MYO10: variants seen among roughly 807,000 people sequenced by gnomAD.
MYO10 encodes unconventional myosin-X.
A neutral mutation model predicts 257.3 loss-of-function variants in MYO10; 133 were observed. The ratio of observed to expected loss-of-function variants is 0.52; its 90% CI spans 0.45 to 0.60. The LOEUF (loss-of-function observed/expected upper bound fraction) is 0.60, where lower values mean the gene tolerates loss of function less well. Among genes scored for constraint, MYO10 ranks in the 20% least tolerant of loss-of-function variants. MYO10 has a pLI of 0.00. For synonymous variants in MYO10, 1,104 were observed against 1,028.6 expected, an observed-to-expected ratio of 1.07 and a Z score of -1.40; for missense variants, 2,399 against 2,635.7, an observed-to-expected ratio of 0.91 and a Z score of 1.97.
chr5:16,685,700 TA>T, intron 29 of MYO10, 37 bp downstream of exon 29: 1 of 577,192 alleles, frequency 1.7e-6, no homozygotes, highest in Non-Finnish European at 3.1e-6. Flanking sequence ...TCCCTGCCCC[TA>T]GACGCCCCAC....
chr5:16,860,029 GA>G (rs1481536901), intron 2 of MYO10, among the ~76,000 whole-genome samples: 1 of 152,230 alleles, frequency 6.6e-6, no homozygotes, highest in Non-Finnish European at 1.5e-5. Flanking sequence ...CAATGGAGGG[GA>G]AAGAAGATAT....
chr5:16,935,990 CAA>C lies in MYO10; in HGVS notation c.-184_-183del. The C allele has an allele frequency of 1.4e-6, 1 of 695,188 alleles. No homozygotes were observed. The highest frequency in any genetic ancestry group is 2.4e-6 in the Non-Finnish European group (1 of 408,340). The allele number at this position is 695,188 out of a possible 1,614,324, so 43.1% of individuals were successfully genotyped here. On this transcript the variant is annotated 5_prime_UTR_variant, in exon 1 of 41. Transcript: ENST00000513610. ...TTCTCACCTTTTGTTCGCCCAAACC[CAA>C]GTCCCTAACTCGCCCGTCCCGACGG...
intron 26 of MYO10, among the ~76,000 whole-genome samples, chr5:16,698,005 C>CT (rs539792827): frequency 2.4e-4 from 37 of 152,278 alleles, no homozygotes; most frequent in African/African-American, 8.2e-4. Flanking sequence ...TCTTATTATC[C>CT]CTGTCACTGA....
At chr5:16,907,300 T>TG (rs756794587) in intron 1 of MYO10, among the ~76,000 whole-genome samples, 1 of 152,098 alleles carries the variant, frequency 6.6e-6, no homozygotes, top group Non-Finnish European at 1.5e-5. Flanking sequence ...CACACGCTCT[T>TG]GTAATTATAC....
At chr5:16,823,676 G>C (rs1483947465) in intron 2 of MYO10, among the ~76,000 whole-genome samples, 1 of 150,626 alleles carries the variant, frequency 6.6e-6, no homozygotes, top group African/African-American at 2.4e-5. Flanking sequence ...GTTTCACCGT[G>C]TTAGCCAGGA....
chr5:16,851,092 C>G (rs1482098777), intron 2 of MYO10, among the ~76,000 whole-genome samples: 1 of 152,118 alleles, frequency 6.6e-6, no homozygotes, highest in Admixed American at 6.6e-5. Flanking sequence ...GTGTGAGCCA[C>G]CACACCTGGC....
intron 19 of MYO10, among the ~76,000 whole-genome samples, chr5:16,714,260 C>T (rs750876872): frequency 5.3e-5 from 8 of 151,450 alleles, no homozygotes; most frequent in African/African-American, 7.3e-5. Flanking sequence ...AGAGCTCGGA[C>T]TCTTAAAATG....
chr5:16,686,857 G>T (rs1389823962), intron 28 of MYO10, among the ~76,000 whole-genome samples: 1 of 152,088 alleles, frequency 6.6e-6, no homozygotes, highest in Non-Finnish European at 1.5e-5. Flanking sequence ...GTATTCCCAG[G>T]ATGGGGTTTT....
intron 17 of MYO10, among the ~76,000 whole-genome samples, chr5:16,761,135 T>C (rs986163625): frequency 1.1e-4 from 17 of 152,126 alleles, no homozygotes; most frequent in South Asian, 4.2e-4. Flanking sequence ...GGATTACAGG[T>C]GCCTGCCACC....
chr5:16,728,805 G>C (rs1739469198), intron 19 of MYO10, among the ~76,000 whole-genome samples: 1 of 152,246 alleles, frequency 6.6e-6, no homozygotes, highest in Non-Finnish European at 1.5e-5. Flanking sequence ...GTGACTCCAA[G>C]TGTGGCCTGG....
intron 18 of MYO10, among the ~76,000 whole-genome samples, chr5:16,755,993 A>G (rs1226205326): frequency 6.6e-6 from 1 of 152,172 alleles, no homozygotes; most frequent in Non-Finnish European, 1.5e-5. Context: ...TCCTTAAACT[A>G]ATATTAAAAT....
intron 4 of MYO10, among the ~76,000 whole-genome samples, chr5:16,789,465 T>C (rs1444354503): frequency 6.6e-6 from 1 of 152,150 alleles, no homozygotes; most frequent in African/African-American, 2.4e-5. Context: ...AACAAAGCCC[T>C]TTTGTTTGGA....
At chr5:16,779,290 A>C (rs775858742) in intron 9 of MYO10, among the ~76,000 whole-genome samples, 10 of 152,174 alleles carry the variant, frequency 6.6e-5, no homozygotes, top group Non-Finnish European at 1.2e-4. Context: ...TGTCCCAAGT[A>C]AACTGCCCAT....
intron 29 of MYO10, among the ~76,000 whole-genome samples, chr5:16,684,453 C>A (rs1737150960): frequency 6.6e-6 from 1 of 152,168 alleles, no homozygotes; most frequent in African/African-American, 2.4e-5. Flanking sequence ...GTTGGCCAGG[C>A]TGGTCTCAAA....
At chr5:16,754,313 G>A (rs1560966864) in intron 19 of MYO10, among the ~76,000 whole-genome samples, 1 of 152,018 alleles carries the variant, frequency 6.6e-6, no homozygotes, top group African/African-American at 2.4e-5. Flanking sequence ...AAAGAGCCAA[G>A]ACATTAATAC....
At chr5:16,929,564 T>C (rs1248327574) in intron 1 of MYO10, among the ~76,000 whole-genome samples, 1 of 152,178 alleles carries the variant, frequency 6.6e-6, no homozygotes, top group Non-Finnish European at 1.5e-5. Context: ...ACTTAACCTC[T>C]CTGTGCCTCA....
chr5:16,845,612 G>A (rs1281850416), intron 2 of MYO10, among the ~76,000 whole-genome samples: 2 of 152,120 alleles, frequency 1.3e-5, no homozygotes, highest in African/African-American at 4.8e-5. Context: ...TGGCACCACT[G>A]TACTCCAGAC....
chr5:16,910,760 C>T (rs1458494188), intron 1 of MYO10, among the ~76,000 whole-genome samples: 2 of 152,088 alleles, frequency 1.3e-5, no homozygotes, highest in African/African-American at 4.8e-5. Context: ...GTGTGGCTTC[C>T]CCAAGGTCAT....
chr5:16,836,314 A>C lies in MYO10; in HGVS notation c.121-18147T>G, dbSNP rs73754014. Reference sequence around the variant, plus strand: ...AGTAGATAACAAATGGTCACTATTCATATGAGAGAACAGCTCCTCCTCCAC... The same window carrying C: ...AGTAGATAACAAATGGTCACTATTCCTATGAGAGAACAGCTCCTCCTCCAC... On this transcript the variant is annotated intron_variant, in intron 2 of 40. Transcript: ENST00000513610. Among the ~76,000 whole-genome samples the C allele has an allele frequency of 3.8e-3, 577 of 152,352 alleles. 5 individuals are homozygous for C. The highest frequency in any genetic ancestry group is 0.013 in the African/African-American group (557 of 41,578).
Sources: gnomAD v4.1 joint callset for allele counts (sites outside exome capture counted in the v4.1 genomes callset) on GRCh38, gnomAD v4.1.1 for gene constraint, MANE v1.5 for transcripts, NCBI Gene and HGNC (gene_info 2026-07-23, HGNC 2026-07-21) for gene names.